TMEM184C: variants seen among roughly 807,000 people sequenced by gnomAD.
TMEM184C encodes transmembrane protein 34.
Under a neutral mutation model 54.5 loss-of-function variants are expected in TMEM184C, and 25 were observed. That is an observed-to-expected ratio of 0.46 (90% CI 0.33 to 0.64). The LOEUF (loss-of-function observed/expected upper bound fraction) is 0.64, where lower values mean the gene tolerates loss of function less well. Ranked by LOEUF, TMEM184C falls within the 30% of genes least tolerant of loss-of-function variation. The probability of loss-of-function intolerance (pLI) is 0.02; values close to 1 mark genes in which losing one functional copy is unlikely to be tolerated. For missense variants in TMEM184C, 335 were observed against 520.3 expected (o/e 0.64, Z 3.46); for synonymous variants, 148 against 181.5 (o/e 0.82, Z 1.49).
rs1732968522 is a variant in TMEM184C at position 147,634,186 on chromosome 4, C to T, written c.1069C>T (p.His357Tyr). Residue 357 changes from histidine to tyrosine, a missense_variant, in exon 10 of 10, where the codon CAT becomes TAT. His to Tyr is a moderately conservative substitution (Grantham distance 83). Coordinates refer to ENST00000296582, the MANE Select transcript of TMEM184C (RefSeq NM_018241.3). ...VRHVGRTVRG[H>Y]PRKKLFPEDQ... ...TATTAAAGGACGGACAGTCAGGGGA[C>T]ATCCCAGGAAAAAATTGTTTCCCGA... 1 of 1,613,744 alleles carries T rather than the reference C, an allele frequency of 6.2e-7. No homozygotes were observed. Among genetic ancestry groups the T allele is most frequent in the Non-Finnish European group, 8.5e-7 (1 of 1,179,898 alleles).
At chr4:147,622,412 A>G (rs1732726820) in intron 1 of TMEM184C, among the ~76,000 whole-genome samples, 1 of 152,234 alleles carries the variant, frequency 6.6e-6, no homozygotes, top group Non-Finnish European at 1.5e-5. Context: ...TAAGTTTTAA[A>G]TAACTTATTA....
intron 1 of TMEM184C, among the ~76,000 whole-genome samples, chr4:147,618,869 T>TTTTG (rs953395989): frequency 1.3e-5 from 2 of 152,172 alleles, no homozygotes; most frequent in Non-Finnish European, 2.9e-5. Context: ...CCATATAGTT[T>TTTTG]TTTGTTTGTT....
chr4:147,633,657 C>T lies in TMEM184C; in HGVS notation c.880-108C>T, dbSNP rs1009080792. 7 of 903,766 alleles carry T rather than the reference C, an allele frequency of 7.7e-6. No individual in the cohort carries two copies. In the East Asian group the frequency reaches 2.0e-4, roughly 26 times the overall value. 56.0% of individuals were successfully genotyped at this position (903,766 alleles called of 1,614,324 possible). A position where few individuals can be genotyped will look rare whatever the true frequency, so the allele number is the denominator to read the frequency against. On this transcript the variant is annotated intron_variant, in intron 8 of 9. Transcript: ENST00000296582. ...ATGAATATAATCTGAGAAGAAAAAA[C>T]ACAGCTGTTTATCTTAGCACTTTTG...
At chr4:147,634,042 C>G in intron 9 of TMEM184C, 106 bp downstream of exon 9, 1 of 1,506,886 alleles carries the variant, frequency 6.6e-7, no homozygotes, top group Non-Finnish European at 8.9e-7. Flanking sequence ...GACTTTAAAG[C>G]AGTACCACAG....
At chr4:147,618,862 T>C (rs543242705) in intron 1 of TMEM184C, among the ~76,000 whole-genome samples, 2 of 152,326 alleles carry the variant, frequency 1.3e-5, no homozygotes, top group Non-Finnish European at 2.9e-5. Context: ...GCATAGTCCA[T>C]ATAGTTTTTT....
At chr4:147,630,103 T>C (rs1000622543) in intron 6 of TMEM184C, among the ~76,000 whole-genome samples, 15 of 151,866 alleles carry the variant, frequency 9.9e-5, no homozygotes, top group African/African-American at 3.6e-4. Context: ...TGAATAAAAA[T>C]GTGAGAATAA....
chr4:147,632,868 T>C, intron 7 of TMEM184C, 35 bp from the exon 8 acceptor site: 4 of 1,585,142 alleles, frequency 2.5e-6, no homozygotes, highest in Non-Finnish European at 3.5e-6. Context: ...TTATGCTTGA[T>C]ATAGATTTGG....
intron 1 of TMEM184C, among the ~76,000 whole-genome samples, chr4:147,618,401 A>G (rs980007004): frequency 1.3e-5 from 2 of 152,216 alleles, no homozygotes; most frequent in Non-Finnish European, 2.9e-5. Context: ...ATTGGACGAA[A>G]CTAGGTCAAA....
intron 4 of TMEM184C, 34 bp downstream of exon 4, chr4:147,625,043 G>A (rs1262016742): frequency 6.2e-7 from 1 of 1,608,340 alleles, no homozygotes; most frequent in Admixed American, 1.7e-5. Flanking sequence ...TTTATGTTTT[G>A]GTTTTTCATT....
chr4:147,622,763 GGTTT>G (rs964062524), intron 1 of TMEM184C, among the ~76,000 whole-genome samples: 9 of 151,998 alleles, frequency 5.9e-5, no homozygotes, highest in Admixed American at 2.6e-4. Context: ...ATTAGCTTTT[GGTTT>G]GTTTTTGTTT....
chr4:147,632,724 A>G (rs1732938644), intron 7 of TMEM184C, 179 bp from the exon 8 acceptor site: 1 of 520,994 alleles, frequency 1.9e-6, no homozygotes, highest in Non-Finnish European at 3.4e-6. Flanking sequence ...TACTAGAAAA[A>G]TGAATTTGTA....
chr4:147,618,310 T>G (rs1732638475), intron 1 of TMEM184C, among the ~76,000 whole-genome samples: 1 of 152,208 alleles, frequency 6.6e-6, no homozygotes. Context: ...TATAGCTGCT[T>G]AGAAGGGCAC....
At chr4:147,625,486 A>AAATT (rs1371565069) in intron 4 of TMEM184C, among the ~76,000 whole-genome samples, 1 of 152,240 alleles carries the variant, frequency 6.6e-6, no homozygotes, top group African/African-American at 2.4e-5. Context: ...ATTTTGAAAA[A>AAATT]TAAATTGAGT....
rs984952677 is a variant in TMEM184C at position 147,634,981 on chromosome 4, C to G, written c.*547C>G. ...TCGTGATCCGCCGACCTCGGCCTCC[C>G]AAAGTGCTGGAATTACAGGCGTGAG... On this transcript the variant is annotated 3_prime_UTR_variant, in exon 10 of 10. Coordinates refer to ENST00000296582, the MANE Select transcript of TMEM184C (RefSeq NM_018241.3). 2 of 152,432 alleles carry G rather than the reference C, an allele frequency of 1.3e-5. No homozygotes were observed. The highest frequency in any genetic ancestry group is 4.8e-5 in the African/African-American group (2 of 41,422). 9.4% of individuals were successfully genotyped at this position (152,432 alleles called of 1,614,324 possible). A position where few individuals can be genotyped will look rare whatever the true frequency, so the allele number is the denominator to read the frequency against.
chr4:147,621,703 TG>T, intron 1 of TMEM184C, among the ~76,000 whole-genome samples: 1 of 152,238 alleles, frequency 6.6e-6, no homozygotes, highest in East Asian at 1.9e-4. Flanking sequence ...TGTGGAGAGA[TG>T]ATGTTTTTCT....
intron 1 of TMEM184C, among the ~76,000 whole-genome samples, chr4:147,621,359 T>C (rs1432092696): frequency 1.3e-5 from 2 of 152,184 alleles, no homozygotes; most frequent in Admixed American, 6.5e-5. Context: ...TTTCCTCTCT[T>C]CTTTCCTAAA....
Position 147,631,373 on chromosome 4 carries a change from A to T in TMEM184C, c.667-20A>T. On this transcript the variant is annotated intron_variant, in intron 6 of 9. Transcript: ENST00000296582. ...CCATATCTATTACTGAACAAGTTTA[A>T]ATGTTAATCTTGTTTCTAGTTTGCC... 6.6e-7 allele frequency: 1 copy of T among 1,520,380 alleles called. No homozygotes were observed. The highest frequency in any genetic ancestry group is 8.9e-7 in the Non-Finnish European group (1 of 1,125,472). 94.2% of individuals were successfully genotyped at this position (1,520,380 alleles called of 1,614,324 possible).
intron 4 of TMEM184C, among the ~76,000 whole-genome samples, chr4:147,626,650 T>G (rs114877995): frequency 3.9e-3 from 590 of 152,334 alleles, no homozygotes; most frequent in Non-Finnish European, 6.5e-3. Context: ...AATGTGTTCA[T>G]TTGACAAATA....
rs192388675 is a variant in TMEM184C, at chr4:147,617,724, G to A, written c.-233G>A. On this transcript the variant is annotated 5_prime_UTR_variant, in exon 1 of 10. Coordinates refer to ENST00000296582, the MANE Select transcript of TMEM184C (RefSeq NM_018241.3). ...GGGTAGATGCGGGGTGGAGAAGAAAGGATGTTGCCTGCACTGCTCGCCAAT... is the reference window on the plus strand; with the variant it reads ...GGGTAGATGCGGGGTGGAGAAGAAAAGATGTTGCCTGCACTGCTCGCCAAT... 510 of 487,116 alleles carry A rather than the reference G, an allele frequency of 1.0e-3. 6 individuals carry two copies. Among genetic ancestry groups the A allele is most frequent in the African/African-American group, 9.3e-3 (479 of 51,362 alleles). The allele number at this position is 487,116 out of a possible 1,614,324, so 30.2% of individuals were successfully genotyped here. A position where few individuals can be genotyped will look rare whatever the true frequency, so the allele number is the denominator to read the frequency against.
Sources: allele counts gnomAD v4.1 joint callset (sites outside exome capture counted in the v4.1 genomes callset), GRCh38; gene constraint gnomAD v4.1.1; transcripts MANE v1.5; gene names NCBI Gene and HGNC (gene_info 2026-07-23, HGNC 2026-07-21).